NRG2: variants seen among roughly 807,000 people sequenced by gnomAD.
NRG2 encodes the protein neuregulin 2, also known as pro-neuregulin-2, membrane-bound isoform.
In NRG2, 27 loss-of-function variants were observed where a neutral mutation model predicts 73.9. The ratio of observed to expected loss-of-function variants is 0.37; its 90% CI spans 0.27 to 0.50. NRG2 has a LOEUF of 0.50. NRG2 is among the 20% of genes least tolerant of loss of function. The probability of loss-of-function intolerance (pLI) is 0.96; values close to 1 mark genes in which losing one functional copy is unlikely to be tolerated. For synonymous variants in NRG2, 532 were observed against 541.0 expected (o/e 0.98, Z 0.23); for missense variants, 1,126 against 1,210.1 (o/e 0.93, Z 1.03).
At chr5:139,921,488 A>C (rs1751656269) in intron 1 of NRG2, among the ~76,000 whole-genome samples, 1 of 152,210 alleles carries the variant, frequency 6.6e-6, no homozygotes, top group African/African-American at 2.4e-5. Flanking sequence ...AGGCAATACA[A>C]TGGAGCAAAG....
chr5:140,021,766 C>T (rs533633865), intron 1 of NRG2, among the ~76,000 whole-genome samples: 1 of 152,292 alleles, frequency 6.6e-6, no homozygotes, highest in Admixed American at 6.5e-5. Context: ...AATGGTCTCC[C>T]AGCCTCAGCG....
chr5:140,026,973 C>T (rs897591234), intron 1 of NRG2, among the ~76,000 whole-genome samples: 6 of 152,054 alleles, frequency 3.9e-5, no homozygotes, highest in African/African-American at 1.4e-4. Context: ...AAAGTCCTTC[C>T]GTGGGTCTTT....
intron 1 of NRG2, among the ~76,000 whole-genome samples, chr5:139,976,509 TC>T (rs1756395022): frequency 6.6e-6 from 1 of 152,160 alleles, no homozygotes; most frequent in South Asian, 2.1e-4. Context: ...GTGGGCTCAT[TC>T]CCTGAGGTGC....
intron 1 of NRG2, among the ~76,000 whole-genome samples, chr5:139,967,757 G>A (rs1362737335): frequency 3.9e-5 from 6 of 151,990 alleles, no homozygotes; most frequent in Admixed American, 6.6e-5. Flanking sequence ...GTGGGAGATC[G>A]AGACCATTCT....
chr5:139,878,430 C>A (rs1307440800), intron 3 of NRG2, among the ~76,000 whole-genome samples: 1 of 152,010 alleles, frequency 6.6e-6, no homozygotes, highest in African/African-American at 2.4e-5. Flanking sequence ...AGATCTGGAC[C>A]TGTCTGAGAC....
At chr5:139,876,710 C>A (rs868560493) in intron 3 of NRG2, among the ~76,000 whole-genome samples, 12 of 151,920 alleles carry the variant, frequency 7.9e-5, no homozygotes, top group Non-Finnish European at 8.8e-5. Flanking sequence ...AGACTCAGGT[C>A]GAGTGCTCCT....
chr5:139,956,034 G>C (rs1262208373), intron 1 of NRG2, among the ~76,000 whole-genome samples: 1 of 152,224 alleles, frequency 6.6e-6, no homozygotes, highest in Non-Finnish European at 1.5e-5. Flanking sequence ...CAGATGCTGA[G>C]ACAGGCAGAG....
At chr5:139,993,983 G>T (rs774358168) in intron 1 of NRG2, among the ~76,000 whole-genome samples, 23 of 152,034 alleles carry the variant, frequency 1.5e-4, no homozygotes, top group Non-Finnish European at 2.9e-4. Flanking sequence ...TCTTTGACAG[G>T]CACATATTGT....
intron 1 of NRG2, among the ~76,000 whole-genome samples, chr5:139,958,026 G>A (rs13181931): frequency 0.14 from 21,671 of 152,032 alleles, 1,679 homozygotes; most frequent in South Asian, 0.25. Context: ...CCCTGGACAC[G>A]TTGGCTAGGA....
chr5:139,901,519 A>G (rs1390162166), intron 1 of NRG2, among the ~76,000 whole-genome samples: 2 of 152,228 alleles, frequency 1.3e-5, no homozygotes, highest in Non-Finnish European at 2.9e-5. Flanking sequence ...GGTCCTGGAC[A>G]GCCTAAAGAA....
At chr5:139,942,339 C>G (rs886591803) in intron 1 of NRG2, among the ~76,000 whole-genome samples, 2 of 152,174 alleles carry the variant, frequency 1.3e-5, no homozygotes, top group African/African-American at 4.8e-5. Context: ...TGACCACAAG[C>G]TTTAAACATT....
At position 139,869,483 on chromosome 5, in the gene NRG2, A is replaced by G. The variant is rs1762696005; in HGVS notation, c.1112+2238T>C. On this transcript the variant is annotated intron_variant, in intron 4 of 9. Coordinates refer to ENST00000361474, the MANE Select transcript of NRG2 (RefSeq NM_004883.3). The surrounding 1 kb of genome is among the most constrained non-coding windows in gnomAD (Gnocchi z 4.5). ...GCCCACCTTCCCTCCCAGCTCGTCC[A>G]CCCGCAGAATGGCCTCTGGGCTCTG... 6.6e-6 allele frequency: 1 copy of G among 152,186 alleles called. No individual in the cohort carries two copies. The highest frequency in any genetic ancestry group is 2.4e-5 in the African/African-American group (1 of 41,292). 9.4% of individuals were successfully genotyped at this position (152,186 alleles called of 1,614,324 possible).
intron 1 of NRG2, among the ~76,000 whole-genome samples, chr5:139,938,905 A>AAAGAAAGAAAG (rs1287359463): frequency 2.6e-5 from 2 of 75,498 alleles, no homozygotes; most frequent in African/African-American, 6.4e-5. Context: ...AGAAAGAAAG[A>AAAGAAAGAAAG]AAAGAAAGAA....
chr5:139,985,533 A>T (rs1391332764), intron 1 of NRG2, among the ~76,000 whole-genome samples: 1 of 152,088 alleles, frequency 6.6e-6, no homozygotes, highest in Non-Finnish European at 1.5e-5. Context: ...AAACTTCCTA[A>T]GGCAGTGATT....
At chr5:139,873,458 C>T (rs1455368073) in intron 3 of NRG2, among the ~76,000 whole-genome samples, 1 of 152,250 alleles carries the variant, frequency 6.6e-6, no homozygotes, top group Non-Finnish European at 1.5e-5. Flanking sequence ...TTGTCCTGCC[C>T]TTCATTTACA....
chr5:140,037,223 T>C (rs1314532800), intron 1 of NRG2, among the ~76,000 whole-genome samples: 1 of 152,240 alleles, frequency 6.6e-6, no homozygotes, highest in African/African-American at 2.4e-5. Context: ...ACATGGACTC[T>C]ACTGTGAGAT....
chr5:139,871,813 C>A lies in NRG2; in HGVS notation c.1020G>T (p.Gly340=), dbSNP rs778234964. 13 of 1,614,036 alleles carry A rather than the reference C, an allele frequency of 8.1e-6. No individual in the cohort carries two copies. The South Asian group carries it at 1.4e-4, about 18-fold the overall frequency. Residue 340 remains glycine (G), a synonymous_variant, in exon 4 of 10, where the codon GGG becomes GGT. Transcript: ENST00000361474. The part of the protein sequence containing the change: ...SVSTTLSSWS[G]HARKCNETAK... ...CTGTCTCGTTGCACTTCCGGGCGTG[C>A]CCCGACCAGGATGACAGGGTGGTGC...
chr5:139,961,703 T>C (rs1488187980), intron 1 of NRG2, among the ~76,000 whole-genome samples: 1 of 152,162 alleles, frequency 6.6e-6, no homozygotes, highest in Non-Finnish European at 1.5e-5. Context: ...GTCTCTAGAT[T>C]GTGGTTGGCC....
intron 9 of NRG2, among the ~76,000 whole-genome samples, 179 bp from the exon 10 acceptor site, chr5:139,848,876 C>T (rs2126990509): frequency 6.6e-6 from 1 of 152,326 alleles, no homozygotes; most frequent in Non-Finnish European, 1.5e-5. Context: ...TCCTAAACCT[C>T]TCCGAGCCTC....
Sources: allele counts gnomAD v4.1 joint callset (sites outside exome capture counted in the v4.1 genomes callset), GRCh38; gene constraint gnomAD v4.1.1; non-coding constraint Gnocchi (gnomAD v3.1); transcripts MANE v1.5; gene names NCBI Gene and HGNC (gene_info 2026-07-23, HGNC 2026-07-21).